GOLGA8B: variants seen among roughly 807,000 people sequenced by gnomAD.
GOLGA8B encodes the protein golgin subfamily A member 8B.
A neutral mutation model predicts 15.6 loss-of-function variants in GOLGA8B; 1 was observed. That is an observed-to-expected ratio of 0.06 (90% CI 0.02 to 0.30). The LOEUF is 0.30. Among genes scored for constraint, GOLGA8B ranks in the 10% least tolerant of loss-of-function variants. The probability of loss-of-function intolerance (pLI) is 1.00; values close to 1 mark genes in which losing one functional copy is unlikely to be tolerated. For synonymous variants in GOLGA8B, 9 were observed against 80.3 expected, an observed-to-expected ratio of 0.11 and a Z score of 4.75; for missense variants, 17 against 201.3, an observed-to-expected ratio of 0.08 and a Z score of 5.54.
At chr15:34,573,415 T>C (rs1352883214) in intron 1 of GOLGA8B, among the ~76,000 whole-genome samples, 1 of 151,666 alleles carries the variant, frequency 6.6e-6, no homozygotes, top group East Asian at 1.9e-4. Context: ...CGGGCGCCTG[T>C]AGTCCCAGCT....
chr15:34,576,074 G>T (rs78447747), intron 1 of GOLGA8B, among the ~76,000 whole-genome samples: 1 of 152,182 alleles, frequency 6.6e-6, no homozygotes, highest in Non-Finnish European at 1.5e-5. Flanking sequence ...AGACCTACCA[G>T]GTTAGCGTCC....
chr15:34,550,723 G>A (rs1282246491), intron 4 of GOLGA8B, among the ~76,000 whole-genome samples: 1 of 103,224 alleles, frequency 9.7e-6, no homozygotes, highest in East Asian at 2.7e-4. Context: ...GCTAGGGACA[G>A]TGGCTCATGC....
chr15:34,571,181 C>T (rs1888903786), intron 1 of GOLGA8B, among the ~76,000 whole-genome samples: 4 of 151,996 alleles, frequency 2.6e-5, no homozygotes. Flanking sequence ...CAAAAATTAG[C>T]CAGGCGTGGT....
At chr15:34,582,949 C>A (rs6495689) in intron 1 of GOLGA8B, 4 of 152,044 alleles carry the variant, frequency 2.6e-5, no homozygotes, top group African/African-American at 9.7e-5. Flanking sequence ...CCTGCAGCCC[C>A]GGGGCAACAA....
intron 1 of GOLGA8B, chr15:34,566,568 G>A (rs1419762108): frequency 1.4e-5 from 2 of 142,664 alleles, no homozygotes; most frequent in African/African-American, 5.1e-5. Flanking sequence ...TACTACTGGA[G>A]GACAAGGCAG....
chr15:34,574,089 A>T (rs1253791045), intron 1 of GOLGA8B, among the ~76,000 whole-genome samples: 4 of 152,076 alleles, frequency 2.6e-5, no homozygotes, highest in Non-Finnish European at 5.9e-5. Context: ...CTCTTCCTGG[A>T]ATAACTAACA....
intron 1 of GOLGA8B, among the ~76,000 whole-genome samples, chr15:34,573,882 G>T (rs1860650050): frequency 6.6e-6 from 1 of 151,234 alleles, no homozygotes; most frequent in South Asian, 2.1e-4. Flanking sequence ...CGGACTCCCA[G>T]GTACCTGTGG....
chr15:34,564,846 T>C (rs149502110), intron 1 of GOLGA8B, among the ~76,000 whole-genome samples: 5,537 of 143,586 alleles, frequency 0.039, 628 homozygotes, highest in African/African-American at 0.13. Flanking sequence ...TGTCATGCCA[T>C]GGAGTCTGGA....
intron 1 of GOLGA8B, among the ~76,000 whole-genome samples, chr15:34,575,420 A>C: frequency 6.6e-6 from 1 of 151,728 alleles, no homozygotes; most frequent in Non-Finnish European, 1.5e-5. Context: ...CCAGCTGCAG[A>C]AATCACTCTC....
rs908216880 is a variant in GOLGA8B at position 34,527,145 on chromosome 15, A to G, written c.*487T>C. The G allele has an allele frequency of 3.5e-5, 10 of 286,368 alleles. No individual in the cohort carries two copies. Among genetic ancestry groups the G allele is most frequent in the African/African-American group, 2.3e-4 (10 of 43,624 alleles). The allele number at this position is 286,368 out of a possible 1,614,324, so 17.7% of individuals were successfully genotyped here. On this transcript the variant is annotated 3_prime_UTR_variant, in exon 24 of 24. Transcript: ENST00000683415. ...TATTACAAAGTAATAAACAGTGCAC[A>G]CTTGAGGGCAAACCGCATATTGAGC...
At chr15:34,582,949 C>T (rs6495689) in intron 1 of GOLGA8B, 85,832 of 152,100 alleles carry the variant, frequency 0.56, 24,830 homozygotes, top group African/African-American at 0.67. Flanking sequence ...CCTGCAGCCC[C>T]GGGGCAACAA....
Position 34,566,552 on chromosome 15 carries a change from G to A in GOLGA8B, c.-1122-12596C>T, listed in dbSNP as rs1040143225. The A allele has an allele frequency of 1.4e-4, 20 of 141,306 alleles. 1 individual carries two copies. The highest frequency in any genetic ancestry group is 7.7e-4 in the Admixed American group (11 of 14,268). The allele number at this position is 141,306 out of a possible 1,614,324, so 8.8% of individuals were successfully genotyped here. On this transcript the variant is annotated intron_variant, in intron 1 of 23. Coordinates refer to ENST00000683415, the MANE Select transcript of GOLGA8B (RefSeq NM_001023567.5). ...GGCTTCATCAGGGAGTGACAGGGGC[G>A]TGATTTACTACTGGAGGACAAGGCA...
intron 1 of GOLGA8B, among the ~76,000 whole-genome samples, chr15:34,571,994 A>C (rs1888927606): frequency 6.6e-6 from 1 of 152,266 alleles, no homozygotes; most frequent in African/African-American, 2.4e-5. Flanking sequence ...CAAGAGAAAA[A>C]CAGGCAAGGA....
At chr15:34,530,624 CCTAAGATCA>C (rs1238432228) in intron 15 of GOLGA8B, among the ~76,000 whole-genome samples, 15 of 7,000 alleles carry the variant, frequency 2.1e-3, no homozygotes, top group African/African-American at 2.4e-3. Context: ...TAAGTGCTTG[CCTAAGATCA>C]CTTAGGCAGA....
At chr15:34,569,912 C>T (rs1888864065) in intron 1 of GOLGA8B, among the ~76,000 whole-genome samples, 1 of 152,092 alleles carries the variant, frequency 6.6e-6, no homozygotes, top group South Asian at 2.1e-4. Context: ...TCCCCTGGGG[C>T]CATGGGTCCC....
intron 1 of GOLGA8B, among the ~76,000 whole-genome samples, chr15:34,581,912 C>T (rs1199320787): frequency 6.6e-6 from 1 of 152,210 alleles, no homozygotes; most frequent in Non-Finnish European, 1.5e-5. Flanking sequence ...CCAAGGGCCC[C>T]CCAACAGTAC....
intron 1 of GOLGA8B, among the ~76,000 whole-genome samples, chr15:34,579,990 C>G (rs1211265995): frequency 2.0e-5 from 3 of 152,180 alleles, no homozygotes; most frequent in Non-Finnish European, 4.4e-5. Context: ...GGGGAAGTAA[C>G]GCTAATTTAT....
intron 1 of GOLGA8B, 94 bp from the exon 2 acceptor site, chr15:34,554,050 C>T (rs1199056657): frequency 1.5e-5 from 2 of 137,068 alleles, no homozygotes; most frequent in Admixed American, 7.4e-5. Flanking sequence ...CTTTGCCCAC[C>T]GCTACACCGT....
rs549934733 is a variant in GOLGA8B, at chr15:34,573,329, G to A, written c.-1123+10187C>T. ...TGAAGCAGGCAGATCATGAGATCAG[G>A]AGATCAAGACCATCCTGGCTAACAC... is the stretch of plus-strand genomic sequence containing the variant. On this transcript the variant is annotated intron_variant, in intron 1 of 23. Coordinates refer to ENST00000683415, the MANE Select transcript of GOLGA8B (RefSeq NM_001023567.5). Among the ~76,000 whole-genome samples, 9 of 152,238 alleles carry A rather than the reference G, an allele frequency of 5.9e-5. No homozygotes were observed. In the South Asian group the frequency reaches 1.9e-3, roughly 32 times the overall value.
Sources: allele counts gnomAD v4.1 joint callset (sites outside exome capture counted in the v4.1 genomes callset), GRCh38; gene constraint gnomAD v4.1.1; transcripts MANE v1.5; gene names NCBI Gene and HGNC (gene_info 2026-07-23, HGNC 2026-07-21).